The following ANKRD23 variants were observed in gnomAD, a reference collection of about 807,000 sequenced individuals.
ANKRD23 encodes ankyrin repeat domain-containing protein 23.
Under a neutral mutation model 38.1 loss-of-function variants are expected in ANKRD23, and 52 were observed. The ratio of observed to expected loss-of-function variants is 1.36; its 90% CI spans 1.09 to 1.72. The LOEUF is 1.72. Ranked by LOEUF, ANKRD23 falls within the 40% of genes most tolerant of loss-of-function variation. The probability of loss-of-function intolerance (pLI) is 0.00; values close to 1 mark genes in which losing one functional copy is unlikely to be tolerated. For missense variants in ANKRD23, 416 were observed against 400.2 expected (o/e 1.04, Z -0.34); for synonymous variants, 167 against 162.9 (o/e 1.03, Z -0.19).
At chr2:96,841,192 C>T (rs1574128727) in intron 3 of ANKRD23, 1 of 373,320 alleles carries the variant, frequency 2.7e-6, no homozygotes, top group East Asian at 5.4e-5. Flanking sequence ...AACAGAGTCA[C>T]TGAGGATGTA....
chr2:96,839,034 C>G lies in ANKRD23; in HGVS notation c.*515G>C, dbSNP rs2079725657. The stretch of plus-strand genomic sequence containing the variant: ...CATGCCCACAGGCATCCACCAGCTG[C>G]AGACAGGCCCGGCCCCTGCATGGCC... On this transcript the variant is annotated 3_prime_UTR_variant, in exon 9 of 9. Transcript: ENST00000318357. 1.1e-5 allele frequency: 11 copies of G among 986,216 alleles called. No individual in the cohort carries two copies. The highest frequency in any genetic ancestry group is 1.3e-5 in the Non-Finnish European group (11 of 830,498). The allele number at this position is 986,216 out of a possible 1,614,324, so 61.1% of individuals were successfully genotyped here.
At chr2:96,839,923 G>T in intron 7 of ANKRD23, 74 bp downstream of exon 7, 1 of 1,549,194 alleles carries the variant, frequency 6.5e-7, no homozygotes. Context: ...AGCACCTCTG[G>T]TCCTGGCTGG....
At chr2:96,843,358 C>T (rs1451598342) in intron 1 of ANKRD23, among the ~76,000 whole-genome samples, 1 of 152,164 alleles carries the variant, frequency 6.6e-6, no homozygotes, top group Non-Finnish European at 1.5e-5. Context: ...CCCCTCGTCA[C>T]TCAAACCGAC....
Position 96,839,547 on chromosome 2 carries a change from G to C in ANKRD23, c.*2C>G, listed in dbSNP as rs756407606. 11 of 1,446,968 alleles carry C rather than the reference G, an allele frequency of 7.6e-6. No individual in the cohort carries two copies. Among genetic ancestry groups the C allele is most frequent in the African/African-American group, 2.9e-5 (2 of 69,652 alleles). 89.6% of individuals were successfully genotyped at this position (1,446,968 alleles called of 1,614,324 possible). ...AAGGCGCGGCGGGGGGCGGTGCTGC[G>C]GTCAGCACCGGGTGCGGGGATGCGC... On this transcript the variant is annotated 3_prime_UTR_variant, in exon 9 of 9. Coordinates refer to ENST00000318357, the MANE Select transcript of ANKRD23 (RefSeq NM_144994.8).
At position 96,838,855 on chromosome 2, in the gene ANKRD23, C is replaced by G. The variant is rs2079723576; in HGVS notation, c.*694G>C. 2 of 985,540 alleles carry G rather than the reference C, an allele frequency of 2.0e-6. No individual in the cohort carries two copies. Among genetic ancestry groups the G allele is most frequent in the Non-Finnish European group, 2.4e-6 (2 of 830,012 alleles). 61.0% of individuals were successfully genotyped at this position (985,540 alleles called of 1,614,324 possible). ...GGCTTCTGAGGCAACCTAGTGGGTC[C>G]TGGACTTCTGTTGCTGTGGGGCCTC... On this transcript the variant is annotated 3_prime_UTR_variant, in exon 9 of 9. Coordinates refer to ENST00000318357, the MANE Select transcript of ANKRD23 (RefSeq NM_144994.8).
chr2:96,840,221 G>C lies in ANKRD23; in HGVS notation c.624+11C>G. 1 of 1,607,130 alleles carries C rather than the reference G, an allele frequency of 6.2e-7. No homozygotes were observed. The highest frequency in any genetic ancestry group is 8.5e-7 in the Non-Finnish European group (1 of 1,176,458). On this transcript the variant is annotated intron_variant, in intron 6 of 8. Coordinates refer to ENST00000318357, the MANE Select transcript of ANKRD23 (RefSeq NM_144994.8). The stretch of plus-strand genomic sequence containing the variant: ...GTTCCCGACAGGCCCCCAAAGCACC[G>C]TGCCCCTCACCTTGTCCCGGGCATT...
At chr2:96,840,207 G>A (rs1434321402) in intron 6 of ANKRD23, 25 bp downstream of exon 6, 5 of 1,600,496 alleles carry the variant, frequency 3.1e-6, no homozygotes, top group Non-Finnish European at 4.3e-6. Context: ...TTCCCGACAG[G>A]CCCCCAAAGC....
chr2:96,840,995 G>A (rs967709553), intron 3 of ANKRD23, 83 bp from the exon 4 acceptor site: 14 of 1,550,122 alleles, frequency 9.0e-6, no homozygotes, highest in Admixed American at 3.7e-5. Flanking sequence ...TCTGGCCCAC[G>A]GGTCCCATGC....
chr2:96,839,694 C>A (rs201589615), intron 8 of ANKRD23, 33 bp downstream of exon 8: 2 of 1,599,040 alleles, frequency 1.3e-6, no homozygotes, highest in Admixed American at 3.4e-5. Context: ...CACCCGCCCT[C>A]GGGTCAGGAG....
chr2:96,838,354 G>T lies in ANKRD23; in HGVS notation c.*1195C>A, dbSNP rs1395981184. ...AAGATTCACTTTCTGGCGTTTAGGG[G>T]CCCAGCCCCACCAGCAGTACAGGCC... On this transcript the variant is annotated 3_prime_UTR_variant, in exon 9 of 9. Coordinates refer to ENST00000318357, the MANE Select transcript of ANKRD23 (RefSeq NM_144994.8). 2 of 988,038 alleles carry T rather than the reference G, an allele frequency of 2.0e-6. No individual in the cohort carries two copies. Among genetic ancestry groups the T allele is most frequent in the African/African-American group, 1.7e-5 (1 of 57,412 alleles). The allele number at this position is 988,038 out of a possible 1,614,324, so 61.2% of individuals were successfully genotyped here.
chr2:96,843,917 C>T (rs1206974674), intron 1 of ANKRD23, 49 bp downstream of exon 1: 17 of 1,586,184 alleles, frequency 1.1e-5, no homozygotes, highest in Non-Finnish European at 1.5e-5. Flanking sequence ...CAGCCTCCTC[C>T]TATCAAGCCG....
intron 3 of ANKRD23, among the ~76,000 whole-genome samples, chr2:96,841,729 A>ATG (rs899598487): frequency 2.0e-5 from 3 of 152,126 alleles, no homozygotes; most frequent in African/African-American, 7.2e-5. Flanking sequence ...AACGCCAAAG[A>ATG]TCACCAGCAT....
Position 96,840,320 on chromosome 2 carries a change from G to A in ANKRD23, c.536C>T (p.Thr179Ile). ...TVDARDLLDR[T>I]PVFWACRGGH... ...TCCGCGGCAGGCCCAGAACACAGGT[G>A]TCCTGTCCAGCTGCAAAACAAAAGC... The change falls in exon 6 of 9, where the codon ACA becomes ATA. Residue 179 changes from threonine to isoleucine, a missense_variant. Coordinates refer to ENST00000318357, the MANE Select transcript of ANKRD23 (RefSeq NM_144994.8). The A allele has an allele frequency of 6.2e-7, 1 of 1,607,140 alleles. No homozygotes were observed. The highest frequency in any genetic ancestry group is 8.5e-7 in the Non-Finnish European group (1 of 1,176,292).
chr2:96,838,548 C>A lies in ANKRD23; in HGVS notation c.*1001G>T. The A allele has an allele frequency of 1.0e-6, 1 of 985,920 alleles. No individual in the cohort carries two copies. Among genetic ancestry groups the A allele is most frequent in the Non-Finnish European group, 1.2e-6 (1 of 830,304 alleles). The allele number at this position is 985,920 out of a possible 1,614,324, so 61.1% of individuals were successfully genotyped here. A position where few individuals can be genotyped will look rare whatever the true frequency, so the allele number is the denominator to read the frequency against. ...GGTTCAGAGCTCCTCAGTGTCCTGG[C>A]CTCCCAGGTGGGATCAAGCAGGGTG... is the stretch of plus-strand genomic sequence containing the variant. On this transcript the variant is annotated 3_prime_UTR_variant, in exon 9 of 9. Coordinates refer to ENST00000318357, the MANE Select transcript of ANKRD23 (RefSeq NM_144994.8).
rs2153359108 is a variant in ANKRD23, at chr2:96,843,993, G to A, written c.-1C>T. On this transcript the variant is annotated 5_prime_UTR_variant, in exon 1 of 9. Transcript: ENST00000318357. The stretch of plus-strand genomic sequence containing the variant: ...ACTGCTGAATGCTGATGAAGTCCAT[G>A]GTCCCCCCTGTTCCTCACACCCCCC... 1.9e-6 allele frequency: 3 copies of A among 1,608,024 alleles called. No individual in the cohort carries two copies. Among genetic ancestry groups the A allele is most frequent in the Non-Finnish European group, 2.5e-6 (3 of 1,177,516 alleles).
At position 96,839,318 on chromosome 2, in the gene ANKRD23, CAGCCCTGGG is replaced by C. The variant is rs2079729741; in HGVS notation, c.*222_*230del. 3.2e-6 allele frequency: 4 copies of C among 1,244,582 alleles called. No homozygotes were observed. Among genetic ancestry groups the C allele is most frequent in the Non-Finnish European group, 3.0e-6 (3 of 996,304 alleles). The allele number at this position is 1,244,582 out of a possible 1,614,324, so 77.1% of individuals were successfully genotyped here. On this transcript the variant is annotated 3_prime_UTR_variant, in exon 9 of 9. Transcript: ENST00000318357. ...TCTGCTGCCTTGTGGTCCTCTGCTC[CAGCCCTGGG>C]AGGGAACGCGGCTCCCCTGACACTC...
Position 96,838,848 on chromosome 2 carries a change from G to A in ANKRD23, c.*701C>T, listed in dbSNP as rs937156879. ...GTCTTAGGGCTTCTGAGGCAACCTAGTGGGTCCTGGACTTCTGTTGCTGTG... is the reference window on the plus strand; with the variant it reads ...GTCTTAGGGCTTCTGAGGCAACCTAATGGGTCCTGGACTTCTGTTGCTGTG... On this transcript the variant is annotated 3_prime_UTR_variant, in exon 9 of 9. Transcript: ENST00000318357. 9 of 985,414 alleles carry A rather than the reference G, an allele frequency of 9.1e-6. 1 individual carries two copies. Among genetic ancestry groups the A allele is most frequent in the Non-Finnish European group, 1.1e-5 (9 of 830,004 alleles). 61.0% of individuals were successfully genotyped at this position (985,414 alleles called of 1,614,324 possible). A position where few individuals can be genotyped will look rare whatever the true frequency, so the allele number is the denominator to read the frequency against.
At chr2:96,842,235 T>G in intron 2 of ANKRD23, 50 bp from the exon 3 acceptor site, 1 of 1,612,214 alleles carries the variant, frequency 6.2e-7, no homozygotes. Context: ...GGTCAAGAGA[T>G]CTCTCTGCCC....
chr2:96,840,450 A>G lies in ANKRD23; in HGVS notation c.491T>C (p.Leu164Pro). ...CGCGTCCACTGTGGCACCTGCCACC[A>G]GCAGCTTGTTCACCAGCTGGCTGTG... ...KGHSQLVNKL[L>P]VAGATVDARD... is the part of the protein sequence containing the mutation. Residue 164 changes from leucine (L) to proline (P), a missense_variant, in exon 5 of 9, where the codon CTG (leucine) becomes CCG (proline). By Grantham distance (98) the Leu-to-Pro change is moderately conservative. Transcript: ENST00000318357. 6.2e-7 allele frequency: 1 copy of G among 1,614,112 alleles called. No homozygotes were observed. Among genetic ancestry groups the G allele is most frequent in the Non-Finnish European group, 8.5e-7 (1 of 1,180,024 alleles).
Sources: allele counts gnomAD v4.1 joint callset (sites outside exome capture counted in the v4.1 genomes callset), GRCh38; gene constraint gnomAD v4.1.1; transcripts MANE v1.5; gene names NCBI Gene and HGNC (gene_info 2026-07-23, HGNC 2026-07-21).